The following ANKRD11 variants were observed in gnomAD, a reference collection of about 807,000 sequenced individuals.
The protein encoded by ANKRD11 is ankyrin repeat domain-containing protein 11.
A neutral mutation model predicts 195.7 loss-of-function variants in ANKRD11; 17 were observed. The ratio of observed to expected loss-of-function variants is 0.09; its 90% CI spans 0.06 to 0.13. The LOEUF (loss-of-function observed/expected upper bound fraction) is 0.13. Ranked by LOEUF, ANKRD11 falls within the 10% of genes least tolerant of loss-of-function variation. The pLI is 1.00. For synonymous variants in ANKRD11, 1,953 were observed against 1,528.1 expected (o/e 1.28, Z -6.49); for missense variants, 3,735 against 3,566.1 (o/e 1.05, Z -1.21).
chr16:89,402,668 G>A (rs1428173980), intron 2 of ANKRD11, among the ~76,000 whole-genome samples: 2 of 150,110 alleles, frequency 1.3e-5, no homozygotes, highest in African/African-American at 2.5e-5. Context: ...TGAGGTGAAG[G>A]GGGTGGTTCT....
At chr16:89,375,499 G>A (rs1009338727) in intron 2 of ANKRD11, among the ~76,000 whole-genome samples, 1 of 151,336 alleles carries the variant, frequency 6.6e-6, no homozygotes, top group African/African-American at 2.4e-5. Context: ...CACTCTTGTC[G>A]CCCGGGCTGG....
At chr16:89,345,450 C>T (rs1353322359) in intron 2 of ANKRD11, among the ~76,000 whole-genome samples, 1 of 152,212 alleles carries the variant, frequency 6.6e-6, no homozygotes, top group Non-Finnish European at 1.5e-5. Flanking sequence ...ATTCCTCTGT[C>T]CCTGCAGCCA....
Position 89,284,313 on chromosome 16 carries a change from T to C in ANKRD11, c.2229A>G (p.Glu743=). 1 of 1,613,968 alleles carries C rather than the reference T, an allele frequency of 6.2e-7. No homozygotes were observed. Among genetic ancestry groups the C allele is most frequent in the South Asian group, 1.1e-5 (1 of 91,076 alleles). Residue 743 remains glutamate, a synonymous_variant, in exon 9 of 13, where the codon GAA becomes GAG. Transcript: ENST00000301030. ...REEKDRSNKA[E]KERSLKEKSP... ...ACTTTTCCTTCAGCGATCTCTCCTT[T>C]TCTGCTTTATTCGAACGGTCTTTCT...
intron 1 of ANKRD11, among the ~76,000 whole-genome samples, chr16:89,486,983 T>C (rs1466835359): frequency 6.9e-6 from 1 of 144,832 alleles, no homozygotes; most frequent in Admixed American, 7.2e-5. Flanking sequence ...CACTCCAGCC[T>C]GGGCAACAAA....
At chr16:89,391,757 A>AGACTTTCC (rs1046565261) in intron 2 of ANKRD11, among the ~76,000 whole-genome samples, 109 of 152,356 alleles carry the variant, frequency 7.2e-4, no homozygotes, top group Admixed American at 1.3e-3. Context: ...TCCTCTTCAA[A>AGACTTTCC]GACTTTCCTC....
intron 12 of ANKRD11, among the ~76,000 whole-genome samples, chr16:89,268,991 T>C (rs2032887366): frequency 6.6e-6 from 1 of 152,380 alleles, no homozygotes; most frequent in Admixed American, 6.5e-5. Flanking sequence ...ATCGAACAGC[T>C]TTGCTTTTGT....
intron 2 of ANKRD11, among the ~76,000 whole-genome samples, chr16:89,365,037 T>G (rs929568918): frequency 1.3e-5 from 2 of 152,194 alleles, no homozygotes; most frequent in African/African-American, 2.4e-5. Flanking sequence ...GAATTCTGTT[T>G]TATAGGTAAC....
chr16:89,489,551 T>C (rs1349773148), intron 1 of ANKRD11, among the ~76,000 whole-genome samples: 3 of 149,332 alleles, frequency 2.0e-5, no homozygotes, highest in Non-Finnish European at 3.0e-5. Flanking sequence ...GAGAGCCGCC[T>C]GCTCTCATTT....
chr16:89,368,871 A>T (rs1013596551), intron 2 of ANKRD11, among the ~76,000 whole-genome samples: 1 of 152,142 alleles, frequency 6.6e-6, no homozygotes. Flanking sequence ...CTGCACTCAA[A>T]TCTAGGGGAG....
At chr16:89,302,611 T>G (rs1375904295) in intron 4 of ANKRD11, among the ~76,000 whole-genome samples, 5 of 152,170 alleles carry the variant, frequency 3.3e-5, no homozygotes, top group African/African-American at 1.2e-4. Context: ...TAAGCAACGC[T>G]CCACACTCAT....
At chr16:89,409,853 T>TA in intron 2 of ANKRD11, among the ~76,000 whole-genome samples, 1 of 152,138 alleles carries the variant, frequency 6.6e-6, no homozygotes, top group African/African-American at 2.4e-5. Flanking sequence ...TTTATTTATT[T>TA]TTTGAGATGG....
At chr16:89,429,986 G>A (rs1395505670) in intron 1 of ANKRD11, among the ~76,000 whole-genome samples, 3 of 115,522 alleles carry the variant, frequency 2.6e-5, no homozygotes, top group Admixed American at 8.4e-5. Context: ...CAACTCTCAC[G>A]CTCAGTCGTT....
chr16:89,278,709 C>G (rs1261314114), intron 9 of ANKRD11: 6 of 493,510 alleles, frequency 1.2e-5, no homozygotes, highest in Middle Eastern at 7.0e-4. Flanking sequence ...GGGCAGGAGA[C>G]ACAGGGGGTG....
intron 2 of ANKRD11, among the ~76,000 whole-genome samples, chr16:89,326,140 G>A (rs530520901): frequency 7.9e-5 from 12 of 152,362 alleles, no homozygotes; most frequent in South Asian, 4.1e-4. Context: ...AAAAGCAGGC[G>A]TGTGTGTTAA....
Position 89,285,896 on chromosome 16 carries a change from G to T in ANKRD11, c.892+143C>A. 7.5e-7 allele frequency: 1 copy of T among 1,325,060 alleles called. No homozygotes were observed. The highest frequency in any genetic ancestry group is 1.1e-6 in the Non-Finnish European group (1 of 941,582). The allele number at this position is 1,325,060 out of a possible 1,614,324, so 82.1% of individuals were successfully genotyped here. ...TCTCGGCAGTGACACACCTGGGCGGGGTCTCCCGCAGTCCAGAAGCTCCTG... is the reference window on the plus strand; with the variant it reads ...TCTCGGCAGTGACACACCTGGGCGGTGTCTCCCGCAGTCCAGAAGCTCCTG... On this transcript the variant is annotated intron_variant, in intron 8 of 12. Transcript: ENST00000301030. This position sits in a 1 kb window ranked among gnomAD's most constrained non-coding sequence, Gnocchi z 5.6.
chr16:89,388,576 C>G lies in ANKRD11; in HGVS notation c.-60+29708G>C, dbSNP rs897028172. On this transcript the variant is annotated intron_variant, in intron 2 of 12. Transcript: ENST00000301030. The stretch of plus-strand genomic sequence containing the variant: ...AAAAGCCTGAATGCTGCATGTGTGT[C>G]TCTGACTGGGAATAAGGATCACTGG... 4.6e-5 allele frequency among the ~76,000 whole-genome samples: 7 copies of G among 152,226 alleles called. No homozygotes were observed. In the East Asian group the frequency reaches 7.7e-4, roughly 17 times the overall value.
chr16:89,314,698 C>T (rs370416789), intron 3 of ANKRD11, among the ~76,000 whole-genome samples: 1 of 152,300 alleles, frequency 6.6e-6, no homozygotes, highest in African/African-American at 2.4e-5. Context: ...TCCCTCTTTC[C>T]TCCACTGCTT....
rs1555574377 is a variant in ANKRD11, at chr16:89,426,567, A to AC, written c.-144-8200_-144-8199insG. On this transcript the variant is annotated intron_variant, in intron 1 of 12. Transcript: ENST00000301030. ...CACACACACACACACACACACACAC[A>AC]AATCTGAAATCCTGACCAATGAAGA... Among the ~76,000 whole-genome samples, 145 of 151,570 alleles carry AC rather than the reference A, an allele frequency of 9.6e-4. 1 individual carries two copies. Among genetic ancestry groups the AC allele is most frequent in the Admixed American group, 1.8e-3 (27 of 15,230 alleles).
At chr16:89,317,282 G>C (rs1426969261) in intron 2 of ANKRD11, among the ~76,000 whole-genome samples, 2 of 152,232 alleles carry the variant, frequency 1.3e-5, no homozygotes, top group Non-Finnish European at 2.9e-5. Context: ...TGGCAGCTTT[G>C]AGCAGGAAGG....
Sources: allele counts gnomAD v4.1 joint callset (sites outside exome capture counted in the v4.1 genomes callset), GRCh38; gene constraint gnomAD v4.1.1; non-coding constraint Gnocchi (gnomAD v3.1); transcripts MANE v1.5; gene names NCBI Gene and HGNC (gene_info 2026-07-23, HGNC 2026-07-21).